The following FUBP1 variants were observed in gnomAD, a reference collection of about 807,000 sequenced individuals.
FUBP1 encodes the protein far upstream element-binding protein 1.
Under a neutral mutation model 94.9 loss-of-function variants are expected in FUBP1, and 16 were observed. That is an observed-to-expected ratio of 0.17 (90% CI 0.11 to 0.26). FUBP1 has a LOEUF of 0.26. FUBP1 is among the 10% of genes least tolerant of loss of function. The probability of loss-of-function intolerance (pLI) is 1.00; values close to 1 mark genes in which losing one functional copy is unlikely to be tolerated. For synonymous variants in FUBP1, 279 were observed against 254.9 expected, an observed-to-expected ratio of 1.09 and a Z score of -0.90; for missense variants, 583 against 808.6, an observed-to-expected ratio of 0.72 and a Z score of 3.38.
intron 1 of FUBP1, among the ~76,000 whole-genome samples, chr1:77,973,913 T>C (rs1160348845): frequency 6.6e-6 from 1 of 152,184 alleles, no homozygotes; most frequent in Admixed American, 6.5e-5. Flanking sequence ...AATTGTTCTA[T>C]TTTATTTTTT....
rs1656915576 is a variant in FUBP1, at chr1:77,968,431, ATTC to A, written c.212-231_212-229del. Reference sequence around the variant, plus strand: ...GCACAGACATTAAAATAGTTATCTGATTCTTAAGAAATCACTGACCTTAATGTA... The same window carrying A: ...GCACAGACATTAAAATAGTTATCTGATTAAGAAATCACTGACCTTAATGTA... On this transcript the variant is annotated intron_variant, in intron 2 of 19. Transcript: ENST00000370768. Among the ~76,000 whole-genome samples, 8 of 152,204 alleles carry A rather than the reference ATTC, an allele frequency of 5.3e-5. No homozygotes were observed. In the South Asian group the frequency reaches 1.7e-3, roughly 32 times the overall value.
At chr1:77,978,673 C>T (rs952387330) in intron 1 of FUBP1, among the ~76,000 whole-genome samples, 12 of 152,212 alleles carry the variant, frequency 7.9e-5, no homozygotes, top group African/African-American at 2.7e-4. Context: ...GCGTAGCACG[C>T]GTCGGGGTTC....
chr1:77,972,253 A>T (rs1249527822), intron 1 of FUBP1, among the ~76,000 whole-genome samples: 2 of 152,170 alleles, frequency 1.3e-5, no homozygotes, highest in Non-Finnish European at 2.9e-5. Flanking sequence ...GAAGGAAAGT[A>T]TTTCAGGCCA....
intron 2 of FUBP1, chr1:77,969,065 C>T (rs747947003): frequency 5.5e-6 from 7 of 1,282,922 alleles, no homozygotes; most frequent in African/African-American, 3.1e-5. Context: ...TTGTACTGCT[C>T]GGACTTGTCC....
chr1:77,958,255 A>C (rs1462536691), intron 16 of FUBP1, among the ~76,000 whole-genome samples: 1 of 152,220 alleles, frequency 6.6e-6, no homozygotes, highest in African/African-American at 2.4e-5. Context: ...GTATGTACTA[A>C]GAATTTACTA....
intron 1 of FUBP1, among the ~76,000 whole-genome samples, chr1:77,971,260 C>T (rs1657485021): frequency 6.6e-6 from 1 of 152,146 alleles, no homozygotes; most frequent in African/African-American, 2.4e-5. Flanking sequence ...GTGTGATGGG[C>T]TCATGAGAAT....
In FUBP1 at chr1:77,962,798, G is replaced by A. The variant is rs2102374249; in HGVS notation, c.1316C>T (p.Ala439Val). The A allele has an allele frequency of 6.2e-7, 1 of 1,611,736 alleles. No homozygotes were observed. The highest frequency in any genetic ancestry group is 1.3e-5 in the African/African-American group (1 of 74,992). Residue 439 changes from alanine (A) to valine (V), a missense_variant, in exon 14 of 20, where the codon GCT becomes GTT. Coordinates refer to ENST00000370768, the MANE Select transcript of FUBP1 (RefSeq NM_003902.5). ...AATCTTTTCTTCTATGAGTTGCCGAGCATAGTCTATCTGTTGTGGAGTGCC... is the reference window on the plus strand; with the variant it reads ...AATCTTTTCTTCTATGAGTTGCCGAACATAGTCTATCTGTTGTGGAGTGCC... ...IRGTPQQIDY[A>V]RQLIEEKIGG...
At chr1:77,960,724 TA>T in intron 14 of FUBP1, 1 of 425,376 alleles carries the variant, frequency 2.4e-6, no homozygotes, top group Non-Finnish European at 4.2e-6. Flanking sequence ...CAATTTAAAT[TA>T]AATTAAATTT....
At chr1:77,960,082 G>T in intron 16 of FUBP1, 102 bp downstream of exon 16, 1 of 801,952 alleles carries the variant, frequency 1.2e-6, no homozygotes, top group Non-Finnish European at 2.1e-6. Flanking sequence ...TAAAGTGAGT[G>T]AAGGTGATGC....
intron 10 of FUBP1, 138 bp downstream of exon 10, chr1:77,964,508 T>A: frequency 1.5e-6 from 1 of 665,808 alleles, no homozygotes; most frequent in South Asian, 1.9e-5. Context: ...GGTAACAAGA[T>A]ATATAGAATT....
At chr1:77,968,773 A>C (rs768993585) in intron 2 of FUBP1, among the ~76,000 whole-genome samples, 1 of 152,126 alleles carries the variant, frequency 6.6e-6, no homozygotes, top group Middle Eastern at 3.2e-3. Context: ...AAGCAACTAC[A>C]TGACTACCTT....
rs992952102 is a variant in FUBP1 at position 77,956,771 on chromosome 1, C to T, written c.1577-71G>A. The stretch of plus-strand genomic sequence containing the variant: ...CTCTCTCACACACACACACACCACC[C>T]CCCCGCCCAGCTCTCTGGCAAATAT... On this transcript the variant is annotated intron_variant, in intron 16 of 19. Coordinates refer to ENST00000370768, the MANE Select transcript of FUBP1 (RefSeq NM_003902.5). The T allele has an allele frequency of 4.6e-6, 5 of 1,088,610 alleles. No homozygotes were observed. In the African/African-American group the frequency reaches 4.7e-5, roughly 10 times the overall value. 67.4% of individuals were successfully genotyped at this position (1,088,610 alleles called of 1,614,324 possible).
intron 19 of FUBP1, 37 bp downstream of exon 19, chr1:77,949,118 T>C (rs758194583): frequency 1.3e-6 from 2 of 1,576,168 alleles, no homozygotes; most frequent in Non-Finnish European, 1.7e-6. Context: ...GAAAACAGAC[T>C]GGAGTAGAAA....
rs762624529 is a variant in FUBP1, at chr1:77,967,652, A to G, written c.265T>C (p.Leu89=). 6.3e-7 allele frequency: 1 copy of G among 1,581,194 alleles called. No homozygotes were observed. Among genetic ancestry groups the G allele is most frequent in the East Asian group, 2.3e-5 (1 of 44,434 alleles). ...CTTTGCTGCTGATGCATCGGTGGTA[A>G]CTGTGTTCCAAAAGCTATCAAAAAA... ...APQNDSFGTQ[L]PPMHQQQSRS... is the part of the protein sequence containing the mutation. The change falls in exon 4 of 20, where the codon TTA becomes CTA. Residue 89 remains leucine (L), a synonymous_variant. Transcript: ENST00000370768.
chr1:77,971,007 T>C (rs1657418378), intron 1 of FUBP1, among the ~76,000 whole-genome samples: 2 of 151,812 alleles, frequency 1.3e-5, no homozygotes, highest in African/African-American at 4.8e-5. Context: ...CATGCCCCTC[T>C]TGGATGACAG....
Position 77,978,921 on chromosome 1 carries a change from G to A in FUBP1, c.84C>T (p.Asn28=), listed in dbSNP as rs762249318. The A allele has an allele frequency of 2.5e-6, 4 of 1,613,752 alleles. No homozygotes were observed. The East Asian group carries it at 6.7e-5, about 27-fold the overall frequency. Residue 28 remains asparagine (N), a synonymous_variant, in exon 1 of 20, where the codon AAC becomes AAT. Transcript: ENST00000370768. ...GGGGGGGGGV[N]DAFKDALQRA... ...TCTGCAGTGCATCTTTGAAAGCGTC[G>A]TTAACTCCTCCACCACCACCGCCGC...
At chr1:77,960,518 G>C (rs775688033) in intron 14 of FUBP1, 23 bp from the exon 15 acceptor site, 24 of 1,572,268 alleles carry the variant, frequency 1.5e-5, no homozygotes, top group Non-Finnish European at 2.1e-5. Flanking sequence ...GGATGACATA[G>C]AAAAATCAGA....
At chr1:77,960,310 T>C (rs1172326818) in intron 15 of FUBP1, 34 bp downstream of exon 15, 6 of 1,612,738 alleles carry the variant, frequency 3.7e-6, no homozygotes, top group South Asian at 1.1e-5. Flanking sequence ...ACTAGAATCT[T>C]TGGGGAAAGC....
chr1:77,977,318 G>A (rs1394023715), intron 1 of FUBP1, among the ~76,000 whole-genome samples: 1 of 152,062 alleles, frequency 6.6e-6, no homozygotes, highest in East Asian at 1.9e-4. Context: ...AGCCTGGCCA[G>A]CATGGTGAAA....
Sources: allele counts gnomAD v4.1 joint callset (sites outside exome capture counted in the v4.1 genomes callset), GRCh38; gene constraint gnomAD v4.1.1; transcripts MANE v1.5; gene names NCBI Gene and HGNC (gene_info 2026-07-23, HGNC 2026-07-21).